Variants in MAGI2 observed in about 807,000 individuals in gnomAD.
MAGI2 encodes the protein membrane-associated guanylate kinase, WW and PDZ domain-containing protein 2.
In MAGI2, 35 loss-of-function variants were observed where a neutral mutation model predicts 133.3. The ratio of observed to expected loss-of-function variants is 0.26; its 90% confidence interval spans 0.20 to 0.35. MAGI2 has a LOEUF of 0.35. Ranked by LOEUF, MAGI2 falls within the 10% of genes least tolerant of loss-of-function variation. The pLI, the probability that MAGI2 is intolerant of heterozygous loss-of-function variation, is 1.00. For missense variants in MAGI2, 1,636 were observed against 1,863.4 expected (o/e 0.88, Z 2.25); for synonymous variants, 729 against 710.6 (o/e 1.03, Z -0.41).
chr7:78,993,365 T>C (rs1301063274), intron 2 of MAGI2, among the ~76,000 whole-genome samples: 2 of 152,104 alleles, frequency 1.3e-5, no homozygotes, highest in African/African-American at 2.4e-5. Flanking sequence ...TAGAGCAGTC[T>C]TTTAATAAAT....
rs1826888481 is a variant in MAGI2 at position 78,178,583 on chromosome 7, T to A, written c.2312-481A>T. Among the ~76,000 whole-genome samples the A allele has an allele frequency of 8.5e-5, 4 of 47,058 alleles. No individual in the cohort carries two copies. In the Admixed American group the frequency reaches 1.1e-3, roughly 13 times the overall value. 30.9% of individuals were successfully genotyped at this position (47,058 alleles called of 152,430 possible). The stretch of plus-strand genomic sequence containing the variant: ...TGACATGATGCATCCAGTTTAGGAG[T>A]GTGTGTGTGTGTGTGTGTGTGTGTG... On this transcript the variant is annotated intron_variant, in intron 13 of 21. Transcript: ENST00000354212.
At chr7:78,023,146 G>A (rs1457840119) in intron 21 of MAGI2, among the ~76,000 whole-genome samples, 2 of 152,150 alleles carry the variant, frequency 1.3e-5, no homozygotes, top group African/African-American at 4.8e-5. Flanking sequence ...AAAGCACAAG[G>A]GGCCTCTTCA....
rs140697948 is a variant in MAGI2, at chr7:78,412,115, C to G, written c.1046-42902G>C. ...AGTCTATAAAATTATTGCAACTAAC[C>G]AAGTGTTATCTAAGGAGATTCCTCT... is the stretch of plus-strand genomic sequence containing the variant. On this transcript the variant is annotated intron_variant, in intron 6 of 21. Coordinates refer to ENST00000354212, the MANE Select transcript of MAGI2 (RefSeq NM_012301.4). Among the ~76,000 whole-genome samples, 937 of 151,974 alleles carry G rather than the reference C, an allele frequency of 6.2e-3. 8 individuals carry two copies. Among genetic ancestry groups the G allele is most frequent in the African/African-American group, 0.022 (892 of 41,454 alleles).
intron 1 of MAGI2, among the ~76,000 whole-genome samples, chr7:79,099,201 GA>G (rs1817758474): frequency 2.0e-5 from 3 of 152,000 alleles, no homozygotes; most frequent in African/African-American, 7.2e-5. Flanking sequence ...CTGAGTTCCA[GA>G]GAGTACATTA....
intron 16 of MAGI2, among the ~76,000 whole-genome samples, chr7:78,136,321 C>T (rs978325358): frequency 4.6e-5 from 7 of 152,074 alleles, no homozygotes; most frequent in Non-Finnish European, 7.4e-5. Flanking sequence ...GGGGTTTCAC[C>T]GTGTTAGCCA....
At chr7:78,020,501 T>C (rs1053852902) in intron 21 of MAGI2, among the ~76,000 whole-genome samples, 2 of 152,134 alleles carry the variant, frequency 1.3e-5, no homozygotes, top group African/African-American at 4.8e-5. Context: ...GTCCAATCTT[T>C]TGGCTTCTTT....
chr7:78,319,705 A>G lies in MAGI2; in HGVS notation c.1408+24073T>C, dbSNP rs562700663. Among the ~76,000 whole-genome samples the G allele has an allele frequency of 2.9e-3, 447 of 152,346 alleles. 1 individual carries two copies. The highest frequency in any genetic ancestry group is 5.4e-3 in the Non-Finnish European group (366 of 68,034). ...GATCTAAAATTGACACCCTAACATC[A>G]CAATTAAAAGAACTAGAGAAGCAAG... On this transcript the variant is annotated intron_variant, in intron 9 of 21. Transcript: ENST00000354212.
intron 7 of MAGI2, among the ~76,000 whole-genome samples, chr7:78,355,851 A>T (rs968930539): frequency 1.3e-5 from 2 of 152,208 alleles, no homozygotes; most frequent in African/African-American, 4.8e-5. Flanking sequence ...GAAAATACAG[A>T]TATATTAAAT....
At chr7:78,124,080 G>A (rs772454609) in intron 20 of MAGI2, among the ~76,000 whole-genome samples, 1 of 152,170 alleles carries the variant, frequency 6.6e-6, no homozygotes, top group African/African-American at 2.4e-5. Flanking sequence ...GTTTGTAACC[G>A]ACAGAGACCA....
At chr7:79,451,200 C>T (rs963715760) in intron 1 of MAGI2, among the ~76,000 whole-genome samples, 1 of 152,190 alleles carries the variant, frequency 6.6e-6, no homozygotes, top group African/African-American at 2.4e-5. Flanking sequence ...ATGATCATTG[C>T]AAACTATAAT....
At chr7:79,368,675 C>T (rs973148632) in intron 1 of MAGI2, among the ~76,000 whole-genome samples, 4 of 151,038 alleles carry the variant, frequency 2.6e-5, no homozygotes, top group African/African-American at 7.3e-5. Flanking sequence ...GGTGAAACCC[C>T]GTCTCTACTA....
chr7:78,618,486 G>A (rs1367388990), intron 3 of MAGI2: 1 of 151,896 alleles, frequency 6.6e-6, no homozygotes, highest in Non-Finnish European at 1.5e-5. Flanking sequence ...AAGGTAAATA[G>A]GTTCTGTTTG....
At chr7:78,737,107 T>C (rs760557938) in intron 2 of MAGI2, among the ~76,000 whole-genome samples, 5 of 152,198 alleles carry the variant, frequency 3.3e-5, no homozygotes, top group Non-Finnish European at 5.9e-5. Flanking sequence ...AAGAAAACAA[T>C]TGACAGTGAT....
chr7:78,536,734 T>A (rs1797968617), intron 3 of MAGI2, among the ~76,000 whole-genome samples: 2 of 146,540 alleles, frequency 1.4e-5, no homozygotes, highest in African/African-American at 5.0e-5. Context: ...AAAATTTCAA[T>A]AGTTTTTTTT....
intron 2 of MAGI2, among the ~76,000 whole-genome samples, chr7:78,890,213 C>T (rs1485707381): frequency 2.0e-5 from 3 of 152,108 alleles, no homozygotes; most frequent in Non-Finnish European, 4.4e-5. Context: ...ACAGGAGCAC[C>T]CAGATTCATA....
chr7:78,476,822 G>A (rs1230564459), intron 6 of MAGI2, among the ~76,000 whole-genome samples: 1 of 151,756 alleles, frequency 6.6e-6, no homozygotes, highest in East Asian at 2.0e-4. Context: ...GAAGCTTGGT[G>A]GTTAGGTCAC....
Position 78,487,665 on chromosome 7 carries a change from C to A in MAGI2, c.1045+2096G>T, listed in dbSNP as rs548052846. ...GAACAGGGCAAACTCAACCCAACCT[C>A]ACGTTGGCTCAGTTCTGGTTTGGAT... On this transcript the variant is annotated intron_variant, in intron 6 of 21. Transcript: ENST00000354212. 4.8e-3 allele frequency among the ~76,000 whole-genome samples: 731 copies of A among 152,200 alleles called. 6 individuals carry two copies. Among genetic ancestry groups the A allele is most frequent in the Non-Finnish European group, 7.1e-3 (484 of 67,982 alleles).
intron 1 of MAGI2, among the ~76,000 whole-genome samples, chr7:79,123,708 C>T (rs534436566): frequency 4.7e-5 from 7 of 148,740 alleles, no homozygotes; most frequent in Non-Finnish European, 8.9e-5. Context: ...ATCGCTTGAA[C>T]CCGGGAGGCA....
intron 12 of MAGI2, among the ~76,000 whole-genome samples, chr7:78,190,948 G>A (rs1222442540): frequency 1.3e-5 from 2 of 152,324 alleles, no homozygotes; most frequent in South Asian, 2.1e-4. Flanking sequence ...AAAATTGCAA[G>A]TAGTGGGGAC....
Sources: gnomAD v4.1 joint callset for allele counts (sites outside exome capture counted in the v4.1 genomes callset) on GRCh38, gnomAD v4.1.1 for gene constraint, MANE v1.5 for transcripts, NCBI Gene and HGNC (gene_info 2026-07-23, HGNC 2026-07-21) for gene names.